The following PRMT7 variants were observed in gnomAD, a reference collection of about 807,000 sequenced individuals.
PRMT7 encodes protein arginine methyltransferase 7, also known as protein arginine N-methyltransferase 7.
A neutral mutation model predicts 85.4 loss-of-function variants in PRMT7; 75 were observed. The ratio of observed to expected loss-of-function variants is 0.88; its 90% CI spans 0.73 to 1.06. The LOEUF is 1.06. PRMT7 is among the 50% of genes least tolerant of loss of function. The pLI, the probability that PRMT7 is intolerant of heterozygous loss-of-function variation, is 0.00. For synonymous variants in PRMT7, 397 were observed against 359.5 expected (o/e 1.10, Z -1.18); for missense variants, 868 against 915.2 (o/e 0.95, Z 0.67).
At chr16:68,322,814 C>T (rs866592586) in intron 4 of PRMT7, among the ~76,000 whole-genome samples, 21 of 151,852 alleles carry the variant, frequency 1.4e-4, no homozygotes, top group African/African-American at 3.6e-4. Context: ...AGGCAGATCA[C>T]GGGGTCAGGA....
At position 68,337,550 on chromosome 16, in the gene PRMT7, C is replaced by CG. The variant is rs1567690483; in HGVS notation, c.484dup (p.Ala162GlyfsTer11). On this transcript the variant is annotated frameshift_variant, in exon 7 of 19. Transcript: ENST00000441236. LOFTEE classifies it high-confidence loss of function. ...AGGGGGCGCTGCCCTCCTATGAGCACGCACACAGGCATCTCGTGGAGGTAG... is the reference window on the plus strand; with the variant it reads ...AGGGGGCGCTGCCCTCCTATGAGCACGGCACACAGGCATCTCGTGGAGGTAG... 2 of 1,607,980 alleles carry CG rather than the reference C, an allele frequency of 1.2e-6. No individual in the cohort carries two copies. The highest frequency in any genetic ancestry group is 8.5e-7 in the Non-Finnish European group (1 of 1,175,776).
chr16:68,335,205 G>A (rs979782604), intron 6 of PRMT7, among the ~76,000 whole-genome samples: 2 of 152,214 alleles, frequency 1.3e-5, no homozygotes, highest in African/African-American at 2.4e-5. Context: ...TCAGTGGGTT[G>A]TAGGGTGACA....
chr16:68,357,320 G>T lies in PRMT7; in HGVS notation c.*96G>T, dbSNP rs1000797096. 19 of 1,331,874 alleles carry T rather than the reference G, an allele frequency of 1.4e-5. No homozygotes were observed. In the Admixed American group the frequency reaches 1.9e-4, roughly 13 times the overall value. 82.5% of individuals were successfully genotyped at this position (1,331,874 alleles called of 1,614,324 possible). On this transcript the variant is annotated 3_prime_UTR_variant, in exon 19 of 19. Coordinates refer to ENST00000441236, the MANE Select transcript of PRMT7 (RefSeq NM_019023.5). ...CTGAAGGCCCTCCTCTCCTCTCTGG[G>T]AGCTGCTCGGCCTCAGGGATGGGAA...
chr16:68,346,418 T>A, intron 11 of PRMT7, 138 bp downstream of exon 11: 1 of 1,231,182 alleles, frequency 8.1e-7, no homozygotes, highest in Non-Finnish European at 1.1e-6. Flanking sequence ...GAGCGCCTCC[T>A]GGGTGGGCAC....
At chr16:68,334,511 T>C (rs1335859248) in intron 6 of PRMT7, among the ~76,000 whole-genome samples, 2 of 152,214 alleles carry the variant, frequency 1.3e-5, no homozygotes, top group African/African-American at 2.4e-5. Flanking sequence ...GATGTATACT[T>C]TCCAAGGTTC....
At chr16:68,334,890 G>A (rs1174426880) in intron 6 of PRMT7, among the ~76,000 whole-genome samples, 1 of 151,910 alleles carries the variant, frequency 6.6e-6, no homozygotes, top group African/African-American at 2.4e-5. Flanking sequence ...TCTGCCTCCC[G>A]GGTTCAGGCA....
At chr16:68,326,598 G>A (rs1306371143) in intron 5 of PRMT7, among the ~76,000 whole-genome samples, 1 of 152,100 alleles carries the variant, frequency 6.6e-6, no homozygotes, top group African/African-American at 2.4e-5. Context: ...TTCTATTATA[G>A]CAAACCTCTC....
At chr16:68,360,275 A>C (rs2089174215), downstream of PRMT7, 1 of 152,332 alleles carries the variant, frequency 6.6e-6, no homozygotes, top group African/African-American at 2.4e-5. Flanking sequence ...GATAGAAGAG[A>C]AGCTACAAAT....
chr16:68,332,962 C>T (rs565808599), intron 6 of PRMT7, among the ~76,000 whole-genome samples: 2 of 152,276 alleles, frequency 1.3e-5, no homozygotes, highest in South Asian at 4.1e-4. Flanking sequence ...CCTGATCCCA[C>T]TTATTCCACT....
At chr16:68,336,695 C>T (rs2084740216) in intron 6 of PRMT7, among the ~76,000 whole-genome samples, 1 of 152,058 alleles carries the variant, frequency 6.6e-6, no homozygotes, top group Admixed American at 6.6e-5. Flanking sequence ...TTTGAATTTT[C>T]TGTTTATATT....
rs115525556 is a variant in PRMT7, at chr16:68,331,151, A to G, written c.391+1977A>G. Among the ~76,000 whole-genome samples, 848 of 152,238 alleles carry G rather than the reference A, an allele frequency of 5.6e-3. 7 individuals carry two copies. The highest frequency in any genetic ancestry group is 0.02 in the African/African-American group (832 of 41,530). ...TAGGCACCCACTCATAGACTTCATTATAGATTAGATTTGCCTGTCTAGGAT... is the reference window on the plus strand; with the variant it reads ...TAGGCACCCACTCATAGACTTCATTGTAGATTAGATTTGCCTGTCTAGGAT... On this transcript the variant is annotated intron_variant, in intron 6 of 18. Coordinates refer to ENST00000441236, the MANE Select transcript of PRMT7 (RefSeq NM_019023.5).
chr16:68,353,456 C>A (rs779180874), intron 15 of PRMT7, 36 bp from the exon 16 acceptor site: 1 of 1,609,488 alleles, frequency 6.2e-7, no homozygotes, highest in Non-Finnish European at 8.5e-7. Flanking sequence ...TGTGTCCTGG[C>A]GGGCGGGTGT....
chr16:68,353,537 G>A lies in PRMT7; in HGVS notation c.1621G>A (p.Asp541Asn), dbSNP rs760444257. ...CCCCTGTGGTGACTGCGAAGGCTTC[G>A]ACGTGCACATCATGGACGACATGAT... ...RSPCGDCEGF[D>N]VHIMDDMIKR... is the part of the protein sequence containing the mutation. The change falls in exon 16 of 19, where the codon GAC becomes AAC. Residue 541 changes from aspartate (D) to asparagine (N), a missense_variant. Transcript: ENST00000441236. 2.3e-5 allele frequency: 37 copies of A among 1,601,154 alleles called. No individual in the cohort carries two copies. The highest frequency in any genetic ancestry group is 3.2e-5 in the Non-Finnish European group (37 of 1,174,200).
At chr16:68,321,320 T>A in intron 3 of PRMT7, 106 bp from the exon 4 acceptor site, 2 of 855,268 alleles carry the variant, frequency 2.3e-6, no homozygotes, top group Non-Finnish European at 1.8e-6. Flanking sequence ...TAGTTTAAAA[T>A]AGATGACACG....
In PRMT7 at chr16:68,354,974, C is replaced by A. The variant is rs575353162; in HGVS notation, c.1651-749C>A. ...ATCCTCCCTGGCAAGTCCTCCCATC[C>A]CCTGCCATTGGTCTTCGTGCTCCTG... is the stretch of plus-strand genomic sequence containing the variant. On this transcript the variant is annotated intron_variant, in intron 16 of 18. Transcript: ENST00000441236. The A allele has an allele frequency of 1.8e-3, 280 of 152,788 alleles. 1 individual carries two copies. The highest frequency in any genetic ancestry group is 6.2e-3 in the African/African-American group (258 of 41,606). 9.5% of individuals were successfully genotyped at this position (152,788 alleles called of 1,614,324 possible). A position where few individuals can be genotyped will look rare whatever the true frequency, so the allele number is the denominator to read the frequency against.
intron 5 of PRMT7, among the ~76,000 whole-genome samples, chr16:68,326,517 A>C (rs1016968062): frequency 1.3e-5 from 2 of 152,196 alleles, no homozygotes; most frequent in Admixed American, 6.5e-5. Flanking sequence ...AAGTGTTGGG[A>C]TTACAGGTGT....
At chr16:68,338,328 T>G (rs2084997477) in intron 7 of PRMT7, among the ~76,000 whole-genome samples, 1 of 151,678 alleles carries the variant, frequency 6.6e-6, no homozygotes, top group Non-Finnish European at 1.5e-5. Flanking sequence ...GGCACCTGGA[T>G]TGGATGGTGG....
chr16:68,322,982 C>T (rs552370396), intron 4 of PRMT7, among the ~76,000 whole-genome samples: 7 of 151,724 alleles, frequency 4.6e-5, no homozygotes, highest in South Asian at 2.1e-4. Context: ...TGCAGTGAGC[C>T]GAGATTGCAC....
At chr16:68,315,307 C>T (rs1474054609) in intron 2 of PRMT7, 1 of 152,422 alleles carries the variant, frequency 6.6e-6, no homozygotes, top group East Asian at 1.9e-4. Flanking sequence ...AAGAACGTAT[C>T]ACTCCATTTT....
Sources: allele counts gnomAD v4.1 joint callset (sites outside exome capture counted in the v4.1 genomes callset), GRCh38; gene constraint gnomAD v4.1.1; transcripts MANE v1.5; gene names NCBI Gene and HGNC (gene_info 2026-07-23, HGNC 2026-07-21).